Variants in CDH13 observed in about 807,000 individuals in gnomAD.
CDH13 encodes cadherin-13.
A neutral mutation model predicts 63.8 loss-of-function variants in CDH13; 24 were observed. The ratio of observed to expected loss-of-function variants is 0.38; its 90% CI spans 0.27 to 0.53. The LOEUF is 0.53. Among genes scored for constraint, CDH13 ranks in the 20% least tolerant of loss-of-function variants. The probability of loss-of-function intolerance (pLI) is 0.85; values close to 1 mark genes in which losing one functional copy is unlikely to be tolerated. For missense variants in CDH13, 1,049 were observed against 903.1 expected (o/e 1.16, Z -2.07); for synonymous variants, 503 against 355.3 (o/e 1.42, Z -4.67).
chr16:83,563,808 G>C (rs2075747200), intron 7 of CDH13, among the ~76,000 whole-genome samples: 1 of 152,076 alleles, frequency 6.6e-6, no homozygotes. Context: ...CTCCCTGGCA[G>C]AGCTGACCTA....
intron 5 of CDH13, among the ~76,000 whole-genome samples, chr16:83,218,222 G>A (rs11643317): frequency 0.084 from 12,838 of 152,218 alleles, 776 homozygotes; most frequent in Admixed American, 0.11. Flanking sequence ...CTATAAGGGC[G>A]TTGGAGGCAT....
At chr16:82,879,610 AT>A (rs1395068287) in intron 2 of CDH13, among the ~76,000 whole-genome samples, 2 of 141,058 alleles carry the variant, frequency 1.4e-5, no homozygotes, top group Non-Finnish European at 3.0e-5. Flanking sequence ...GTAATTGTAT[AT>A]TTATACATAA....
intron 3 of CDH13, among the ~76,000 whole-genome samples, chr16:83,074,653 A>G (rs928798618): frequency 4.6e-5 from 7 of 152,188 alleles, no homozygotes; most frequent in African/African-American, 1.7e-4. Context: ...CATCCTTGCT[A>G]GCATCTGTTA....
At position 83,103,243 on chromosome 16, in the gene CDH13, C is replaced by CTT. The variant is rs35812420; in HGVS notation, c.367-22122_367-22121dup. On this transcript the variant is annotated intron_variant, in intron 3 of 13. Coordinates refer to ENST00000567109, the MANE Select transcript of CDH13 (RefSeq NM_001257.5). ...ACTGAGATTACAGGCGTTAACTGAA[C>CTT]TTTTTTTTTTTTTTTTTTTTTGAGA... Among the ~76,000 whole-genome samples, 302 of 91,182 alleles carry CTT rather than the reference C, an allele frequency of 3.3e-3. 5 individuals are homozygous for CTT. The highest frequency in any genetic ancestry group is 5.5e-3 in the East Asian group (16 of 2,894). 59.8% of individuals were successfully genotyped at this position (91,182 alleles called of 152,430 possible).
intron 3 of CDH13, among the ~76,000 whole-genome samples, chr16:83,036,522 C>T (rs948267048): frequency 6.6e-6 from 1 of 152,160 alleles, no homozygotes; most frequent in Non-Finnish European, 1.5e-5. Flanking sequence ...ACAATGTTCA[C>T]TCCCACAAAT....
intron 5 of CDH13, among the ~76,000 whole-genome samples, chr16:83,225,701 C>A (rs936837931): frequency 3.3e-5 from 5 of 152,142 alleles, no homozygotes; most frequent in Admixed American, 3.3e-4. Flanking sequence ...ACCCTGAATG[C>A]CCAAGCTGCA....
intron 6 of CDH13, among the ~76,000 whole-genome samples, chr16:83,460,802 A>AGCCTGGGCAACATC (rs951111048): frequency 5.3e-5 from 8 of 151,368 alleles, no homozygotes; most frequent in Non-Finnish European, 1.2e-4. Context: ...GTCCAAGATC[A>AGCCTGGGCAACATC]GCCTGGGCAA....
At chr16:83,603,920 G>A (rs1908084852) in intron 8 of CDH13, among the ~76,000 whole-genome samples, 2 of 152,158 alleles carry the variant, frequency 1.3e-5, no homozygotes, top group African/African-American at 4.8e-5. Context: ...ACATGGAAGA[G>A]TAGGAGAGAG....
At chr16:83,368,884 T>TTA (rs150563585) in intron 6 of CDH13, among the ~76,000 whole-genome samples, 158 of 47,322 alleles carry the variant, frequency 3.3e-3, no homozygotes, top group Non-Finnish European at 5.5e-3. Context: ...GTATTCCATG[T>TTA]TATATATATA....
At chr16:83,605,367 C>G (rs1383378786) in intron 8 of CDH13, among the ~76,000 whole-genome samples, 7 of 152,142 alleles carry the variant, frequency 4.6e-5, no homozygotes, top group African/African-American at 1.7e-4. Context: ...GGCTGATGTT[C>G]TTTGTTGAAG....
chr16:83,227,104 G>A (rs900850644), intron 5 of CDH13, among the ~76,000 whole-genome samples: 2 of 152,182 alleles, frequency 1.3e-5, no homozygotes, highest in South Asian at 4.1e-4. Context: ...CATGTTTTAC[G>A]AAAGACTGCA....
intron 2 of CDH13, among the ~76,000 whole-genome samples, chr16:82,932,441 A>T (rs908923778): frequency 6.6e-6 from 1 of 152,144 alleles, no homozygotes; most frequent in African/African-American, 2.4e-5. Context: ...CTCCTAGCTG[A>T]CCTACTAGAG....
At chr16:83,377,272 G>T (rs564292440) in intron 6 of CDH13, among the ~76,000 whole-genome samples, 4 of 152,152 alleles carry the variant, frequency 2.6e-5, no homozygotes. Flanking sequence ...CCAATGGCAA[G>T]CACCACTGAA....
intron 1 of CDH13, among the ~76,000 whole-genome samples, chr16:82,813,278 T>C (rs1358779349): frequency 6.6e-6 from 1 of 151,992 alleles, no homozygotes; most frequent in Non-Finnish European, 1.5e-5. Flanking sequence ...GGGAAGGAGA[T>C]GGGAGATGCT....
intron 1 of CDH13, among the ~76,000 whole-genome samples, chr16:82,789,384 A>G (rs912795239): frequency 6.6e-6 from 1 of 152,232 alleles, no homozygotes; most frequent in African/African-American, 2.4e-5. Context: ...TGCTCTTTAT[A>G]TCTCACCTTT....
chr16:83,135,993 T>C (rs2036264171), intron 4 of CDH13, among the ~76,000 whole-genome samples: 1 of 151,960 alleles, frequency 6.6e-6, no homozygotes, highest in South Asian at 2.1e-4. Flanking sequence ...AGCATAGGCA[T>C]GATACAACGG....
chr16:82,883,801 T>C (rs1309336627), intron 2 of CDH13, among the ~76,000 whole-genome samples: 1 of 152,216 alleles, frequency 6.6e-6, no homozygotes, highest in Admixed American at 6.5e-5. Flanking sequence ...GTCCTCACTG[T>C]ATCTTTCTGT....
At chr16:82,965,477 C>G (rs1484433775) in intron 2 of CDH13, among the ~76,000 whole-genome samples, 2 of 152,172 alleles carry the variant, frequency 1.3e-5, no homozygotes, top group Non-Finnish European at 2.9e-5. Context: ...TATTCCATTG[C>G]AAACTTATTT....
chr16:83,591,035 C>A (rs367953827), intron 7 of CDH13, among the ~76,000 whole-genome samples: 2 of 151,732 alleles, frequency 1.3e-5, no homozygotes, highest in African/African-American at 4.8e-5. Flanking sequence ...CTCAGCCTCC[C>A]GAGTAGTTGG....
Sources: gnomAD v4.1 joint callset for allele counts (sites outside exome capture counted in the v4.1 genomes callset) on GRCh38, gnomAD v4.1.1 for gene constraint, MANE v1.5 for transcripts, NCBI Gene and HGNC (gene_info 2026-07-23, HGNC 2026-07-21) for gene names.